The following TMEM260 variants were observed in gnomAD, a reference collection of about 807,000 sequenced individuals.
The protein encoded by TMEM260 is transmembrane protein 260.
A neutral mutation model predicts 88.9 loss-of-function variants in TMEM260; 82 were observed. That is an observed-to-expected ratio of 0.92 (90% CI 0.77 to 1.11). TMEM260 has a LOEUF of 1.11. Ranked by LOEUF, TMEM260 falls within the 50% of genes least tolerant of loss-of-function variation. TMEM260 has a pLI of 0.00. For missense variants in TMEM260, 902 were observed against 853.4 expected (o/e 1.06, Z -0.71); for synonymous variants, 314 against 309.3 (o/e 1.02, Z -0.16).
At chr14:56,635,581 T>G (rs935564675) in intron 14 of TMEM260, among the ~76,000 whole-genome samples, 14 of 152,182 alleles carry the variant, frequency 9.2e-5, no homozygotes, top group African/African-American at 3.1e-4. Context: ...GGCAACTGCT[T>G]CTTTTGGTTC....
chr14:56,656,747 T>C, the TMEM260 span, among the ~76,000 whole-genome samples: 2 of 152,144 alleles, frequency 1.3e-5, no homozygotes, highest in African/African-American at 2.4e-5. Flanking sequence ...TAAATTACAA[T>C]GATAATTATA....
In TMEM260 at chr14:56,634,966, AT is replaced by A; in HGVS notation, c.1778+19del. 1 of 1,612,730 alleles carries A rather than the reference AT, an allele frequency of 6.2e-7. No individual in the cohort carries two copies. Among genetic ancestry groups the A allele is most frequent in the Non-Finnish European group, 8.5e-7 (1 of 1,178,798 alleles). The stretch of plus-strand genomic sequence containing the variant: ...GTGGCAAGCGAGGTGACTATTCTAC[AT>A]TTTTGTGTGTGCAGTCTATTTTTAA... On this transcript the variant is annotated intron_variant, in intron 14 of 15. Transcript: ENST00000261556.
At chr14:56,622,000 GA>G (rs1479977319) in intron 11 of TMEM260, among the ~76,000 whole-genome samples, 1 of 152,094 alleles carries the variant, frequency 6.6e-6, no homozygotes, top group Non-Finnish European at 1.5e-5. Context: ...TAGTTCATGT[GA>G]CAAACCATAA....
intron 6 of TMEM260, among the ~76,000 whole-genome samples, chr14:56,610,967 CTT>C (rs61185871): frequency 9.2e-4 from 108 of 117,966 alleles, no homozygotes; most frequent in African/African-American, 2.8e-3. Flanking sequence ...TTCTTTCTTT[CTT>C]TTTTTTTTTT....
In TMEM260 at chr14:56,647,740, T is replaced by G; in HGVS notation, c.*243T>G. On this transcript the variant is annotated 3_prime_UTR_variant, in exon 16 of 16. Coordinates refer to ENST00000261556, the MANE Select transcript of TMEM260 (RefSeq NM_017799.4). Reference sequence around the variant, plus strand: ...ATTTCAGTGAGAAGCTTTTGAAAAGTCTTCTGACTTCCAGTCTTTCACCAG... The same window carrying G: ...ATTTCAGTGAGAAGCTTTTGAAAAGGCTTCTGACTTCCAGTCTTTCACCAG... 2.1e-6 allele frequency: 1 copy of G among 467,234 alleles called. No individual in the cohort carries two copies. The highest frequency in any genetic ancestry group is 3.8e-6 in the Non-Finnish European group (1 of 265,648). 28.9% of individuals were successfully genotyped at this position (467,234 alleles called of 1,614,324 possible).
downstream of TMEM260, chr14:56,650,290 G>A (rs1890179695): frequency 3.1e-6 from 1 of 326,646 alleles, no homozygotes; most frequent in African/African-American, 2.2e-5. Flanking sequence ...GAAACTGTCT[G>A]ACTCTCCACA....
In TMEM260 at chr14:56,609,576, G is replaced by A. The variant is rs139088525; in HGVS notation, c.816+291G>A. Among the ~76,000 whole-genome samples the A allele has an allele frequency of 2.2e-3, 341 of 152,230 alleles. 8 individuals are homozygous for A. The highest frequency in any genetic ancestry group is 0.017 in the Admixed American group (254 of 15,302). On this transcript the variant is annotated intron_variant, in intron 6 of 15. Transcript: ENST00000261556. ...GAAACATTTCAGTCTTGTTAGCAGTGAGTCACTATGGGTACTTGATCTGTG... is the reference window on the plus strand; with the variant it reads ...GAAACATTTCAGTCTTGTTAGCAGTAAGTCACTATGGGTACTTGATCTGTG...
intron 15 of TMEM260, among the ~76,000 whole-genome samples, chr14:56,637,481 G>A (rs1224667266): frequency 1.3e-5 from 2 of 152,216 alleles, no homozygotes; most frequent in African/African-American, 4.8e-5. Flanking sequence ...AGATACAAGA[G>A]GCTTGCTGTG....
At chr14:56,637,830 G>A (rs1056766965) in intron 15 of TMEM260, among the ~76,000 whole-genome samples, 1 of 150,180 alleles carries the variant, frequency 6.7e-6, no homozygotes, top group Non-Finnish European at 1.5e-5. Context: ...AGCAAATAGT[G>A]TGTTGGAGAC....
intron 3 of TMEM260, among the ~76,000 whole-genome samples, chr14:56,593,854 AT>A (rs1378819935): frequency 1.3e-5 from 2 of 149,180 alleles, no homozygotes; most frequent in Non-Finnish European, 3.0e-5. Flanking sequence ...CGCCCGGCTA[AT>A]TTTTTGTATT....
intron 15 of TMEM260, among the ~76,000 whole-genome samples, chr14:56,638,724 A>C (rs1889323940): frequency 6.6e-6 from 1 of 152,158 alleles, no homozygotes; most frequent in African/African-American, 2.4e-5. Flanking sequence ...TGTAAAGAAT[A>C]TATTTCTGCT....
downstream of TMEM260, chr14:56,650,627 G>A (rs1890188696): frequency 6.6e-6 from 1 of 152,242 alleles, no homozygotes; most frequent in South Asian, 2.1e-4. Flanking sequence ...TATTCTTAGT[G>A]TTTTCTCTTG....
In TMEM260 at chr14:56,638,980, C is replaced by G. The variant is rs941109779; in HGVS notation, c.1869+2382C>G. On this transcript the variant is annotated intron_variant, in intron 15 of 15. Coordinates refer to ENST00000261556, the MANE Select transcript of TMEM260 (RefSeq NM_017799.4). ...TGGTACATGTGACTTAATAGGACAT[C>G]TAAAATAAGTTGATAATGTGTCAGT... Among the ~76,000 whole-genome samples the G allele has an allele frequency of 2.0e-5, 3 of 152,192 alleles. No homozygotes were observed. The South Asian group carries it at 6.2e-4, about 32-fold the overall frequency.
chr14:56,641,733 G>C (rs1889608746), intron 15 of TMEM260, among the ~76,000 whole-genome samples: 1 of 152,214 alleles, frequency 6.6e-6, no homozygotes, highest in South Asian at 2.1e-4. Context: ...ATTGGATAAA[G>C]AGTCAAGACC....
At chr14:56,637,389 A>T (rs1289330532) in intron 15 of TMEM260, among the ~76,000 whole-genome samples, 1 of 152,220 alleles carries the variant, frequency 6.6e-6, no homozygotes, top group Non-Finnish European at 1.5e-5. Flanking sequence ...CTGTGGCCCC[A>T]GGAAGCCAAA....
chr14:56,638,333 A>T (rs544767817), intron 15 of TMEM260: 1 of 152,314 alleles, frequency 6.6e-6, no homozygotes, highest in South Asian at 2.1e-4. Context: ...AAAAGAAAAA[A>T]AAAAGGGCTT....
intron 3 of TMEM260, among the ~76,000 whole-genome samples, chr14:56,586,264 A>G (rs1243793919): frequency 6.6e-6 from 1 of 152,124 alleles, no homozygotes; most frequent in Non-Finnish European, 1.5e-5. Flanking sequence ...TATTCACAGT[A>G]TTGCTGACGA....
intron 3 of TMEM260, among the ~76,000 whole-genome samples, chr14:56,596,352 C>T (rs1243295705): frequency 1.4e-5 from 2 of 143,978 alleles, no homozygotes; most frequent in African/African-American, 5.2e-5. Context: ...AATAGTTTTT[C>T]TAGGGACACA....
chr14:56,618,594 G>C lies in TMEM260; in HGVS notation c.1057G>C (p.Val353Leu). Reference protein sequence around the residue: ...DISKPLFMGVVERFWMQSNAV... With the variant: ...DISKPLFMGVLERFWMQSNAV... ...CACTGGTTGCATGTCTCTTTCACAG[G>C]TGGAACGATTCTGGATGCAGAGCAA... The change falls in exon 10 of 16, where the codon GTG becomes CTG. Residue 353 changes from valine to leucine, a missense_variant and splice_region_variant. Transcript: ENST00000261556. The C allele has an allele frequency of 6.2e-7, 1 of 1,613,734 alleles. No homozygotes were observed. The highest frequency in any genetic ancestry group is 8.5e-7 in the Non-Finnish European group (1 of 1,179,922).
Sources: allele counts gnomAD v4.1 joint callset (sites outside exome capture counted in the v4.1 genomes callset), GRCh38; gene constraint gnomAD v4.1.1; transcripts MANE v1.5; gene names NCBI Gene and HGNC (gene_info 2026-07-23, HGNC 2026-07-21).